Variants in CLP1 observed in about 807,000 individuals in gnomAD.
CLP1 encodes cleavage factor polyribonucleotide kinase subunit 1.
Under a neutral mutation model 29.9 loss-of-function variants are expected in CLP1, and 18 were observed. The ratio of observed to expected loss-of-function variants is 0.60; its 90% CI spans 0.42 to 0.89. The LOEUF is 0.89. Ranked by LOEUF, CLP1 falls within the 40% of genes least tolerant of loss-of-function variation. The probability of loss-of-function intolerance (pLI) is 0.00; values close to 1 mark genes in which losing one functional copy is unlikely to be tolerated. For synonymous variants in CLP1, 162 were observed against 206.2 expected (o/e 0.79, Z 1.84); for missense variants, 357 against 544.8 (o/e 0.66, Z 3.43).
rs765359167 is a variant in CLP1, at chr11:57,659,993, G to T, written c.517G>T (p.Asp173Tyr). 2 of 1,613,400 alleles carry T rather than the reference G, an allele frequency of 1.2e-6. No individual in the cohort carries two copies. Among genetic ancestry groups the T allele is most frequent in the East Asian group, 4.5e-5 (2 of 44,862 alleles). ...MGALYIERPA[D>Y]VEEGFSIQAP... ...GGCCCTCTACATCGAGCGGCCTGCA[G>T]ATGTCGAAGAGGGTTTCTCTATCCA... Residue 173 changes from aspartate (D) to tyrosine (Y), a missense_variant, in exon 2 of 3, where the codon GAT becomes TAT. Transcript: ENST00000533682.
chr11:57,658,925 C>T (rs1945846915), intron 1 of CLP1, among the ~76,000 whole-genome samples: 2 of 152,136 alleles, frequency 1.3e-5, no homozygotes, highest in South Asian at 4.1e-4. Context: ...CAGGCGTGAG[C>T]CACCAGGCCT....
rs1260129304 is a variant in CLP1, at chr11:57,659,627, C to T, written c.151C>T (p.Arg51Ter). 3 of 1,613,926 alleles carry T rather than the reference C, an allele frequency of 1.9e-6. No homozygotes were observed. The highest frequency in any genetic ancestry group is 2.2e-5 in the East Asian group (1 of 44,894). Residue 51 changes from arginine to a stop codon, truncating the protein, a stop_gained, in exon 2 of 3, where the codon CGA (arginine) becomes TGA (stop). Transcript: ENST00000533682. LOFTEE classifies it high-confidence loss of function. The stretch of plus-strand genomic sequence containing the variant: ...AGAGATCTTTGGCACAGAGCTGACC[C>T]GAAACAAGAAATTCACCTTTGATGC... ...MAEIFGTELT[R>*]NKKFTFDAGA...
chr11:57,659,355 C>T (rs552078279), intron 1 of CLP1, 100 bp from the exon 2 acceptor site: 124 of 1,166,108 alleles, frequency 1.1e-4, no homozygotes, highest in Admixed American at 2.1e-4. Context: ...TCCCAAAGTG[C>T]TGGGATTACA....
intron 1 of CLP1, among the ~76,000 whole-genome samples, chr11:57,658,771 G>A (rs1945845705): frequency 6.6e-6 from 1 of 151,992 alleles, no homozygotes; most frequent in South Asian, 2.1e-4. Context: ...CTGAGTAGCT[G>A]GGACTACAGG....
At chr11:57,660,648 C>T in intron 2 of CLP1, 117 bp from the exon 3 acceptor site, 1 of 869,272 alleles carries the variant, frequency 1.2e-6, no homozygotes, top group Non-Finnish European at 1.7e-6. Flanking sequence ...AGTGAGACTC[C>T]ATTTCAAAAA....
At position 57,661,536 on chromosome 11, in the gene CLP1, G is replaced by A. The variant is rs1380205219; in HGVS notation, c.*100G>A. 6.5e-6 allele frequency: 6 copies of A among 929,452 alleles called. No individual in the cohort carries two copies. In the East Asian group the frequency reaches 1.2e-4, roughly 19 times the overall value. 57.6% of individuals were successfully genotyped at this position (929,452 alleles called of 1,614,324 possible). A position where few individuals can be genotyped will look rare whatever the true frequency, so the allele number is the denominator to read the frequency against. On this transcript the variant is annotated 3_prime_UTR_variant, in exon 3 of 3. Transcript: ENST00000533682. ...AAAGACTGTTGGGGCCACCTGACCA[G>A]TAAACTGTGGACTAGTAGAAAGTTC... is the stretch of plus-strand genomic sequence containing the variant.
At position 57,661,723 on chromosome 11, in the gene CLP1, G is replaced by A; in HGVS notation, c.*287G>A. The A allele has an allele frequency of 2.9e-6, 1 of 348,268 alleles. No homozygotes were observed. The allele number at this position is 348,268 out of a possible 1,614,324, so 21.6% of individuals were successfully genotyped here. A position where few individuals can be genotyped will look rare whatever the true frequency, so the allele number is the denominator to read the frequency against. ...CATTTCTTTCACTGTGCTACTATGT[G>A]GTTTTTAAAAAATCAATGCTTTATA... On this transcript the variant is annotated 3_prime_UTR_variant, in exon 3 of 3. Transcript: ENST00000533682.
Position 57,661,314 on chromosome 11 carries a change from T to A in CLP1, c.1156T>A (p.Phe386Ile), listed in dbSNP as rs371843068. Residue 386 changes from phenylalanine to isoleucine, a missense_variant, in exon 3 of 3, where the codon TTC becomes ATC. Coordinates refer to ENST00000533682, the MANE Select transcript of CLP1 (RefSeq NM_006831.3). ...CCTGTCCGAGACAAGTGTAGCTGGCTTCATTGTGGTGACCAGTGTGGACCT... is the reference window on the plus strand; with the variant it reads ...CCTGTCCGAGACAAGTGTAGCTGGCATCATTGTGGTGACCAGTGTGGACCT... ...ENLSETSVAG[F>I]IVVTSVDLEH... 2 of 1,614,070 alleles carry A rather than the reference T, an allele frequency of 1.2e-6. No individual in the cohort carries two copies. Among genetic ancestry groups the A allele is most frequent in the Non-Finnish European group, 1.7e-6 (2 of 1,180,042 alleles).
rs1282151653 is a variant in CLP1 at position 57,659,868 on chromosome 11, G to GTCGCCT, written c.395_400dup (p.Arg132_Leu133dup). 1 of 1,614,212 alleles carries GTCGCCT rather than the reference G, an allele frequency of 6.2e-7. No homozygotes were observed. On this transcript the variant is annotated inframe_insertion, in exon 2 of 3. Transcript: ENST00000533682. ...ACTGATGTGGGCAAGTCTACAGTGT[G>GTCGCCT]TCGCCTTCTGCTCAACTACGCAGTG...
rs957840738 is a variant in CLP1 at position 57,659,903 on chromosome 11, C to T, written c.427C>T (p.Arg143Cys). The T allele has an allele frequency of 9.9e-6, 16 of 1,614,024 alleles. No homozygotes were observed. The highest frequency in any genetic ancestry group is 1.6e-4 in the Middle Eastern group (1 of 6,084). The change falls in exon 2 of 3, where the codon CGC becomes TGC. Residue 143 changes from arginine (R) to cysteine (C), a missense_variant. Coordinates refer to ENST00000533682, the MANE Select transcript of CLP1 (RefSeq NM_006831.3). ...LLLNYAVRLG[R>C]RPTYVELDVG... Reference sequence around the variant, plus strand: ...GCTCAACTACGCAGTGCGTTTGGGCCGCCGTCCCACTTATGTGGAGCTGGA... The same window carrying T: ...GCTCAACTACGCAGTGCGTTTGGGCTGCCGTCCCACTTATGTGGAGCTGGA...
chr11:57,660,782 A>G lies in CLP1; in HGVS notation c.624A>G (p.Ala208=). 6.3e-7 allele frequency: 1 copy of G among 1,595,670 alleles called. No individual in the cohort carries two copies. The highest frequency in any genetic ancestry group is 8.6e-7 in the Non-Finnish European group (1 of 1,168,154). The change falls in exon 3 of 3, where the codon GCA becomes GCG. Residue 208 remains alanine (A), a synonymous_variant. Transcript: ENST00000533682. ...TTTTGCAGATTACATCTCGTTTAGC[A>G]GATGTGTTCAACCAAAGGTGTGAGG... ...KLYNKITSRL[A]DVFNQRCEVN...
chr11:57,657,807 A>G lies in CLP1; in HGVS notation c.-76A>G, dbSNP rs1945836004. The G allele has an allele frequency of 6.6e-6, 1 of 152,454 alleles. No individual in the cohort carries two copies. 9.4% of individuals were successfully genotyped at this position (152,454 alleles called of 1,614,324 possible). The stretch of plus-strand genomic sequence containing the variant: ...CAAGAACCGCTTGTAGTTTGGTTTA[A>G]ATTCTGCACGGGAGGACCTTCTGAG... On this transcript the variant is annotated 5_prime_UTR_variant, in exon 1 of 3. Coordinates refer to ENST00000533682, the MANE Select transcript of CLP1 (RefSeq NM_006831.3).
Position 57,661,259 on chromosome 11 carries a change from T to C in CLP1, c.1101T>C (p.Ser367=). Residue 367 remains serine, a synonymous_variant, in exon 3 of 3, where the codon AGT becomes AGC. Coordinates refer to ENST00000533682, the MANE Select transcript of CLP1 (RefSeq NM_006831.3). ...PGRDMVHHLL[S]VSTAEGTEEN... is the part of the protein sequence containing the mutation. ...GAGATATGGTGCACCACCTACTGAG[T>C]GTTAGCACTGCCGAGGGTACAGAGG... 6.2e-7 allele frequency: 1 copy of C among 1,614,152 alleles called. No individual in the cohort carries two copies. The highest frequency in any genetic ancestry group is 8.5e-7 in the Non-Finnish European group (1 of 1,180,014).
chr11:57,661,366 C>G lies in CLP1; in HGVS notation c.1208C>G (p.Ser403Cys). ...GAGCATCAGGTGTTTACTGTTCTGT[C>G]TCCAGCCCCTCGCCCACTGCCTAAG... ...DLEHQVFTVLSPAPRPLPKNF... is the reference protein window; with the variant it reads ...DLEHQVFTVLCPAPRPLPKNF... The change falls in exon 3 of 3, where the codon TCT becomes TGT. Residue 403 changes from serine (S) to cysteine (C), a missense_variant. Ser to Cys is a moderately radical substitution (Grantham distance 112, BLOSUM62 -1). Transcript: ENST00000533682. 6.2e-7 allele frequency: 1 copy of G among 1,614,116 alleles called. No homozygotes were observed. Among genetic ancestry groups the G allele is most frequent in the Non-Finnish European group, 8.5e-7 (1 of 1,180,014 alleles).
Position 57,661,019 on chromosome 11 carries a change from G to A in CLP1, c.861G>A (p.Glu287=), listed in dbSNP as rs774746868. ...VLLPKSGGVV[E]RSKDFRRECR... Reference sequence around the variant, plus strand: ...TCCCTAAATCTGGGGGTGTGGTGGAGCGCTCCAAGGACTTCCGGCGGGAAT... The same window carrying A: ...TCCCTAAATCTGGGGGTGTGGTGGAACGCTCCAAGGACTTCCGGCGGGAAT... The change falls in exon 3 of 3, where the codon GAG becomes GAA. Residue 287 remains glutamate, a synonymous_variant. Transcript: ENST00000533682. 4.3e-6 allele frequency: 7 copies of A among 1,614,118 alleles called. No individual in the cohort carries two copies. In the East Asian group the frequency reaches 8.9e-5, roughly 21 times the overall value.
At position 57,659,622 on chromosome 11, in the gene CLP1, T is replaced by G. The variant is rs531272633; in HGVS notation, c.146T>G (p.Leu49Arg). The G allele has an allele frequency of 1.9e-6, 3 of 1,614,132 alleles. No individual in the cohort carries two copies. In the African/African-American group the frequency reaches 4.0e-5, roughly 22 times the overall value. Residue 49 changes from leucine to arginine, a missense_variant, in exon 2 of 3, where the codon CTG (leucine) becomes CGG (arginine). Transcript: ENST00000533682. Reference protein sequence around the residue: ...TGMAEIFGTELTRNKKFTFDA... With the variant: ...TGMAEIFGTERTRNKKFTFDA... ...ATGGCAGAGATCTTTGGCACAGAGC[T>G]GACCCGAAACAAGAAATTCACCTTT...
Position 57,661,117 on chromosome 11 carries a change from A to G in CLP1, c.959A>G (p.Lys320Arg). The G allele has an allele frequency of 3.1e-6, 5 of 1,614,188 alleles. No individual in the cohort carries two copies. Among genetic ancestry groups the G allele is most frequent in the Non-Finnish European group, 3.4e-6 (4 of 1,180,030 alleles). ...GCFYPHAFNV[K>R]FSDVKIYKVG... is the part of the protein sequence containing the mutation. ...TTCTATCCCCATGCCTTCAATGTCA[A>G]ATTTTCAGATGTGAAAATCTACAAA... Residue 320 changes from lysine to arginine, a missense_variant, in exon 3 of 3, where the codon AAA becomes AGA. By Grantham distance (26) the Lys-to-Arg change is conservative. Transcript: ENST00000533682.
At chr11:57,659,187 G>A (rs985313171) in intron 1 of CLP1, among the ~76,000 whole-genome samples, 13 of 151,174 alleles carry the variant, frequency 8.6e-5, no homozygotes, top group African/African-American at 3.2e-4. Context: ...GGGTTCAAGC[G>A]ATTCTCCTGC....
rs3016261 is a variant in CLP1, at chr11:57,658,459, G to A, written c.-23+599G>A. On this transcript the variant is annotated intron_variant, in intron 1 of 2. Coordinates refer to ENST00000533682, the MANE Select transcript of CLP1 (RefSeq NM_006831.3). ...AGTCTGTCAAGCTGTATTCTAAGCA[G>A]TATATAGTATCAAACAAAAATGCCT... is the stretch of plus-strand genomic sequence containing the variant. 9.1e-3 allele frequency among the ~76,000 whole-genome samples: 1,384 copies of A among 152,280 alleles called. 25 individuals are homozygous for A. Among genetic ancestry groups the A allele is most frequent in the African/African-American group, 0.032 (1,331 of 41,554 alleles).
Sources: allele counts gnomAD v4.1 joint callset (sites outside exome capture counted in the v4.1 genomes callset), GRCh38; gene constraint gnomAD v4.1.1; transcripts MANE v1.5; gene names NCBI Gene and HGNC (gene_info 2026-07-23, HGNC 2026-07-21).